Variants in CDH13 observed in about 807,000 individuals in gnomAD.
The protein encoded by CDH13 is cadherin-13.
In CDH13, 24 loss-of-function variants were observed where a neutral mutation model predicts 63.8. That is an observed-to-expected ratio of 0.38 (90% CI 0.27 to 0.53). The LOEUF (loss-of-function observed/expected upper bound fraction) is 0.53. Among genes scored for constraint, CDH13 ranks in the 20% least tolerant of loss-of-function variants. CDH13 has a pLI of 0.85. For synonymous variants in CDH13, 503 were observed against 355.3 expected, an observed-to-expected ratio of 1.42 and a Z score of -4.67; for missense variants, 1,049 against 903.1, an observed-to-expected ratio of 1.16 and a Z score of -2.07.
At chr16:83,689,373 A>G (rs1266543182) in intron 10 of CDH13, among the ~76,000 whole-genome samples, 2 of 152,196 alleles carry the variant, frequency 1.3e-5, no homozygotes, top group African/African-American at 4.8e-5. Flanking sequence ...CACACATTTC[A>G]GGATTGCAAC....
chr16:83,473,849 C>T (rs150981173), intron 6 of CDH13, among the ~76,000 whole-genome samples: 173 of 152,152 alleles, frequency 1.1e-3, no homozygotes, highest in South Asian at 8.7e-3. Context: ...GCTTTACCTC[C>T]CTGGGCCTCA....
At chr16:82,706,397 A>G (rs1567646435) in intron 1 of CDH13, among the ~76,000 whole-genome samples, 2 of 152,166 alleles carry the variant, frequency 1.3e-5, no homozygotes, top group South Asian at 2.1e-4. Context: ...GCATATAAGG[A>G]TAAGGGATGA....
chr16:83,506,954 A>G (rs912780950), intron 7 of CDH13, among the ~76,000 whole-genome samples: 2 of 152,236 alleles, frequency 1.3e-5, no homozygotes, highest in Admixed American at 6.5e-5. Context: ...AGCAGCTTCC[A>G]TATCTCCAAG....
chr16:83,013,832 G>C (rs1292799751), intron 2 of CDH13, among the ~76,000 whole-genome samples: 1 of 152,186 alleles, frequency 6.6e-6, no homozygotes, highest in South Asian at 2.1e-4. Context: ...TTTTATTCTA[G>C]TGAGAGAGAC....
At chr16:82,753,167 C>T (rs138517584) in intron 1 of CDH13, among the ~76,000 whole-genome samples, 2 of 152,228 alleles carry the variant, frequency 1.3e-5, no homozygotes, top group African/African-American at 4.8e-5. Context: ...ATGGAAACAG[C>T]CTCTCTGGGA....
At chr16:83,731,632 T>C (rs1422111926) in intron 10 of CDH13, among the ~76,000 whole-genome samples, 1 of 152,226 alleles carries the variant, frequency 6.6e-6, no homozygotes, top group Non-Finnish European at 1.5e-5. Flanking sequence ...CTGTTGATAG[T>C]TTCTTTGCCA....
chr16:83,007,173 C>T (rs757613692), intron 2 of CDH13, among the ~76,000 whole-genome samples: 3 of 152,130 alleles, frequency 2.0e-5, no homozygotes, highest in South Asian at 2.1e-4. Flanking sequence ...CTGCCCACCT[C>T]GGCCTCCCAG....
intron 5 of CDH13, among the ~76,000 whole-genome samples, chr16:83,263,417 T>A (rs1194295388): frequency 2.6e-5 from 4 of 152,196 alleles, no homozygotes; most frequent in Non-Finnish European, 4.4e-5. Flanking sequence ...GAAATATCCA[T>A]TTCCTCCTGG....
At chr16:83,597,663 A>C (rs1693033944) in intron 7 of CDH13, among the ~76,000 whole-genome samples, 1 of 152,184 alleles carries the variant, frequency 6.6e-6, no homozygotes, top group Non-Finnish European at 1.5e-5. Context: ...TTGCCAGAAA[A>C]TTTAGACTTT....
intron 1 of CDH13, among the ~76,000 whole-genome samples, chr16:82,679,111 C>G (rs1475491287): frequency 2.0e-5 from 3 of 152,210 alleles, no homozygotes; most frequent in Admixed American, 6.5e-5. Context: ...TGGGTCAAAG[C>G]TTGCCCGAGG....
At chr16:83,179,911 A>G (rs1369939276) in intron 4 of CDH13, among the ~76,000 whole-genome samples, 1 of 151,704 alleles carries the variant, frequency 6.6e-6, no homozygotes, top group African/African-American at 2.4e-5. Context: ...TTTAATTTAT[A>G]AGTGCTTATG....
chr16:83,090,405 C>G (rs180943302), intron 3 of CDH13, among the ~76,000 whole-genome samples: 1 of 152,120 alleles, frequency 6.6e-6, no homozygotes, highest in Non-Finnish European at 1.5e-5. Context: ...GAGACCCTGT[C>G]TCTACTAAAA....
At chr16:83,454,637 C>G (rs1006373151) in intron 6 of CDH13, among the ~76,000 whole-genome samples, 7 of 152,086 alleles carry the variant, frequency 4.6e-5, no homozygotes, top group Non-Finnish European at 1.0e-4. Flanking sequence ...ACATCTAGGC[C>G]ATCGATTTTC....
chr16:83,763,717 A>C (rs1401861713), intron 11 of CDH13, among the ~76,000 whole-genome samples: 1 of 152,112 alleles, frequency 6.6e-6, no homozygotes, highest in Admixed American at 6.6e-5. Flanking sequence ...AGGAGGAAAA[A>C]TAAATTGATG....
intron 1 of CDH13, among the ~76,000 whole-genome samples, chr16:82,830,957 C>A (rs764210070): frequency 6.6e-6 from 1 of 152,106 alleles, no homozygotes; most frequent in African/African-American, 2.4e-5. Context: ...GCCTGGTATA[C>A]AGAGGGTGCT....
At chr16:83,737,895 C>G (rs761076492) in intron 10 of CDH13, among the ~76,000 whole-genome samples, 5 of 152,196 alleles carry the variant, frequency 3.3e-5, no homozygotes, top group Non-Finnish European at 5.9e-5. Flanking sequence ...AGGCAAGCTC[C>G]TAGACCACTC....
chr16:83,602,098 G>GAACAAC (rs1567797487), intron 7 of CDH13, among the ~76,000 whole-genome samples: 1 of 6,638 alleles, frequency 1.5e-4, no homozygotes, highest in African/African-American at 8.3e-4. Flanking sequence ...AAAAAAAAAA[G>GAACAAC]AACAACAACA....
At chr16:82,920,557 G>A (rs866862200) in intron 2 of CDH13, among the ~76,000 whole-genome samples, 1 of 152,206 alleles carries the variant, frequency 6.6e-6, no homozygotes, top group African/African-American at 2.4e-5. Context: ...GAGAGTCTGT[G>A]GGAACAAGGC....
At chr16:83,169,903 G>T (rs1449393049) in intron 4 of CDH13, among the ~76,000 whole-genome samples, 1 of 151,886 alleles carries the variant, frequency 6.6e-6, no homozygotes, top group Non-Finnish European at 1.5e-5. Context: ...AGTTTTTATG[G>T]CTTCATATTC....
Sources: gnomAD v4.1 joint callset for allele counts (sites outside exome capture counted in the v4.1 genomes callset) on GRCh38, gnomAD v4.1.1 for gene constraint, MANE v1.5 for transcripts, NCBI Gene and HGNC (gene_info 2026-07-23, HGNC 2026-07-21) for gene names.